The following EP400 variants were observed in gnomAD, a reference collection of about 807,000 sequenced individuals.
EP400 encodes E1A-binding protein p400.
In EP400, 105 loss-of-function variants were observed where a neutral mutation model predicts 354.1. The ratio of observed to expected loss-of-function variants is 0.30; its 90% CI spans 0.25 to 0.35. The LOEUF (loss-of-function observed/expected upper bound fraction) is 0.35. EP400 is among the 10% of genes least tolerant of loss of function. The pLI is 1.00. For synonymous variants in EP400, 1,646 were observed against 1,716.9 expected, an observed-to-expected ratio of 0.96 and a Z score of 1.02; for missense variants, 3,280 against 4,121.0, an observed-to-expected ratio of 0.80 and a Z score of 5.59.
intron 2 of EP400, among the ~76,000 whole-genome samples, chr12:131,975,645 A>G (rs1423634064): frequency 4.0e-5 from 6 of 151,788 alleles, no homozygotes; most frequent in Admixed American, 3.9e-4. Flanking sequence ...CTGCAACCTC[A>G]GCCTCCAGGG....
intron 45 of EP400, among the ~76,000 whole-genome samples, chr12:132,061,796 T>TA (rs1247141540): frequency 3.3e-5 from 5 of 152,166 alleles, no homozygotes; most frequent in East Asian, 1.9e-4. Context: ...GGACAGTCGT[T>TA]ACGTTCCTGG....
At position 132,030,069 on chromosome 12, in the gene EP400, C is replaced by T. The variant is rs979012302; in HGVS notation, c.5665C>T (p.Leu1889Phe). The change falls in exon 29 of 53, where the codon CTT (leucine) becomes TTT (phenylalanine). Residue 1889 changes from leucine (L) to phenylalanine (F), a missense_variant. Transcript: ENST00000389561. ...RRVLILSQMI[L>F]MLDILEMFLN... ...GGTGCTGATTTTATCACAGATGATT[C>T]TTATGTTGGACATTTTAGAGATGTT... The T allele has an allele frequency of 1.2e-6, 2 of 1,614,184 alleles. No homozygotes were observed.
chr12:131,982,404 G>A lies in EP400; in HGVS notation c.1855G>A (p.Ala619Thr). The A allele has an allele frequency of 6.2e-7, 1 of 1,614,136 alleles. No individual in the cohort carries two copies. Among genetic ancestry groups the A allele is most frequent in the Non-Finnish European group, 8.5e-7 (1 of 1,180,024 alleles). Residue 619 changes from alanine (A) to threonine (T), a missense_variant, in exon 5 of 53, where the codon GCA becomes ACA. Coordinates refer to ENST00000389561, the MANE Select transcript of EP400 (RefSeq NM_015409.5). ...SQLPIPPSQP[A>T]QLALHVPTPG... is the part of the protein sequence containing the mutation. Reference sequence around the variant, plus strand: ...ACTCCCCATCCCTCCCTCGCAGCCTGCACAGCTGGCCCTCCACGTTCCCAC... The same window carrying A: ...ACTCCCCATCCCTCCCTCGCAGCCTACACAGCTGGCCCTCCACGTTCCCAC...
chr12:132,073,140 C>T (rs1381023712), intron 51 of EP400, among the ~76,000 whole-genome samples: 1 of 151,780 alleles, frequency 6.6e-6, no homozygotes, highest in Non-Finnish European at 1.5e-5. Context: ...ATTTGAATTT[C>T]TGGCTTCTCT....
Position 132,062,670 on chromosome 12 carries a change from C to T in EP400, c.8303C>T (p.Ala2768Val). 6.2e-7 allele frequency: 1 copy of T among 1,614,156 alleles called. No homozygotes were observed. Among genetic ancestry groups the T allele is most frequent in the Non-Finnish European group, 8.5e-7 (1 of 1,180,036 alleles). Residue 2768 changes from alanine to valine, a missense_variant, in exon 47 of 53, where the codon GCA (alanine) becomes GTA (valine). By Grantham distance (64) the Ala-to-Val change is moderately conservative. Coordinates refer to ENST00000389561, the MANE Select transcript of EP400 (RefSeq NM_015409.5). Reference protein sequence around the residue: ...PQIQGQAQSPAQIKAVGKLTP... With the variant: ...PQIQGQAQSPVQIKAVGKLTP... ...ATCCAGGGCCAGGCCCAGTCCCCAG[C>T]ACAGATCAAAGCTGTGGGCAAGCTG...
chr12:132,074,049 C>T (rs1036855907), intron 51 of EP400, among the ~76,000 whole-genome samples: 3 of 150,176 alleles, frequency 2.0e-5, no homozygotes, highest in South Asian at 2.1e-4. Context: ...CTCAGCCTCC[C>T]GAGTAGCTGG....
intron 30 of EP400, among the ~76,000 whole-genome samples, chr12:132,036,852 T>C (rs1299376043): frequency 1.3e-5 from 2 of 152,226 alleles, no homozygotes; most frequent in African/African-American, 4.8e-5. Context: ...ATCCACTATT[T>C]CCCTTTATCA....
intron 2 of EP400, among the ~76,000 whole-genome samples, chr12:131,975,755 C>A (rs1001876039): frequency 2.0e-5 from 3 of 151,988 alleles, no homozygotes; most frequent in African/African-American, 7.3e-5. Flanking sequence ...GATGAATTTT[C>A]GCCACGTTGG....
At chr12:131,968,494 T>C (rs1483799780) in intron 2 of EP400, among the ~76,000 whole-genome samples, 1 of 152,260 alleles carries the variant, frequency 6.6e-6, no homozygotes, top group East Asian at 1.9e-4. Context: ...AGTTTTGAAG[T>C]CAAGTAGTGT....
rs369520300 is a variant in EP400, at chr12:132,041,795, A to G, written c.6208-1509A>G. Among the ~76,000 whole-genome samples, 46 of 152,164 alleles carry G rather than the reference A, an allele frequency of 3.0e-4. No homozygotes were observed. The East Asian group carries it at 8.1e-3, about 27-fold the overall frequency. The stretch of plus-strand genomic sequence containing the variant: ...CTGTAGCTGCAGGGCAGAATGTGGG[A>G]TAGTCTCATTGTGGTTTAATTTGTG... On this transcript the variant is annotated intron_variant, in intron 32 of 52. Coordinates refer to ENST00000389561, the MANE Select transcript of EP400 (RefSeq NM_015409.5).
Position 132,066,978 on chromosome 12 carries a change from C to G in EP400, c.8749+9C>G. ...GCCACAGAAGGCAGCAGGTGCCCGCCCCAGCACACCCTCCCGTCCTGGGCT... is the reference window on the plus strand; with the variant it reads ...GCCACAGAAGGCAGCAGGTGCCCGCGCCAGCACACCCTCCCGTCCTGGGCT... On this transcript the variant is annotated intron_variant, in intron 49 of 52. Transcript: ENST00000389561. The G allele has an allele frequency of 6.3e-7, 1 of 1,583,658 alleles. No individual in the cohort carries two copies. Among genetic ancestry groups the G allele is most frequent in the Non-Finnish European group, 8.6e-7 (1 of 1,164,948 alleles).
In EP400 at chr12:132,044,318, G is replaced by C. The variant is rs369414033; in HGVS notation, c.6585+7G>C. ...AGAGGATGCCTACAGCATGGTACCC[G>C]GCCCGGGGCCCTCCTGCCCTCTTGC... is the stretch of plus-strand genomic sequence containing the variant. On this transcript the variant is annotated splice_region_variant and intron_variant, in intron 35 of 52. Coordinates refer to ENST00000389561, the MANE Select transcript of EP400 (RefSeq NM_015409.5). 8.7e-6 allele frequency: 14 copies of C among 1,609,738 alleles called. No individual in the cohort carries two copies. In the African/African-American group the frequency reaches 1.6e-4, roughly 18 times the overall value.
At chr12:132,056,912 T>C (rs1288320635) in intron 45 of EP400, among the ~76,000 whole-genome samples, 2 of 152,148 alleles carry the variant, frequency 1.3e-5, no homozygotes, top group East Asian at 3.9e-4. Context: ...GCTAGAAGAA[T>C]AACAGATAAA....
In EP400 at chr12:132,018,092, G is replaced by A. The variant is rs1281782857; in HGVS notation, c.4111-118G>A. On this transcript the variant is annotated intron_variant, in intron 20 of 52. Coordinates refer to ENST00000389561, the MANE Select transcript of EP400 (RefSeq NM_015409.5). The surrounding 1 kb of genome is among the most constrained non-coding windows in gnomAD (Gnocchi z 4.0). ...AGGAGGGTCTGCTTGCCGAGTGGCCGTTAGAGGGGGCGCGTCTGGATGCCC... is the reference window on the plus strand; with the variant it reads ...AGGAGGGTCTGCTTGCCGAGTGGCCATTAGAGGGGGCGCGTCTGGATGCCC... The A allele has an allele frequency of 2.0e-5, 26 of 1,296,296 alleles. No homozygotes were observed. The highest frequency in any genetic ancestry group is 7.2e-5 in the East Asian group (3 of 41,880). The allele number at this position is 1,296,296 out of a possible 1,614,324, so 80.3% of individuals were successfully genotyped here.
chr12:132,004,662 T>C (rs1178553500), intron 12 of EP400, among the ~76,000 whole-genome samples: 1 of 152,206 alleles, frequency 6.6e-6, no homozygotes, highest in Non-Finnish European at 1.5e-5. Context: ...TTCTCATCTT[T>C]ATAGAGAAAA....
rs1204012785 is a variant in EP400, at chr12:132,013,103, G to A, written c.3536G>A (p.Cys1179Tyr). The change falls in exon 17 of 53, where the codon TGC (cysteine) becomes TAC (tyrosine). Residue 1179 changes from cysteine (C) to tyrosine (Y), a missense_variant. Physicochemically the swap from Cys to Tyr is radical, Grantham distance 194. This residue lies in a region of EP400 where 242 missense variants were observed against 357.9 expected (regional missense o/e 0.68). Transcript: ENST00000389561. The surrounding 1 kb of genome is among the most constrained non-coding windows in gnomAD (Gnocchi z 4.5). ...LTAFTRVRWK[C>Y]LVIDEMQRVK... ...GCCTTCACACGAGTGCGCTGGAAGT[G>A]CCTGGTCATTGATGAGATGCAGCGC... The A allele has an allele frequency of 1.2e-6, 2 of 1,614,016 alleles. No homozygotes were observed. The highest frequency in any genetic ancestry group is 1.7e-6 in the Non-Finnish European group (2 of 1,180,022).
intron 51 of EP400, among the ~76,000 whole-genome samples, chr12:132,073,459 C>CTCTTTTTT (rs528765405): frequency 8.5e-6 from 1 of 117,730 alleles, no homozygotes; most frequent in Non-Finnish European, 1.6e-5. Context: ...GTCCCTTTTC[C>CTCTTTTTT]TTTTTTTTTT....
In EP400 at chr12:132,017,477, G is replaced by A; in HGVS notation, c.3924-58G>A. ...GTTGGGACAGTCGATGGTGAGGGTG[G>A]GACTATGTCCATGTGCCGTTTGGAT... is the stretch of plus-strand genomic sequence containing the variant. On this transcript the variant is annotated intron_variant, in intron 19 of 52. Coordinates refer to ENST00000389561, the MANE Select transcript of EP400 (RefSeq NM_015409.5). The surrounding 1 kb of genome is among the most constrained non-coding windows in gnomAD (Gnocchi z 5.0). 6.4e-7 allele frequency: 1 copy of A among 1,572,824 alleles called. No individual in the cohort carries two copies. Among genetic ancestry groups the A allele is most frequent in the East Asian group, 2.3e-5 (1 of 44,296 alleles).
intron 2 of EP400, chr12:131,963,579 T>C (rs772754718): frequency 6.3e-7 from 1 of 1,598,508 alleles, no homozygotes; most frequent in East Asian, 2.2e-5. Context: ...CTCCCGTTGC[T>C]ATAGCAACCC....
Sources: allele counts gnomAD v4.1 joint callset (sites outside exome capture counted in the v4.1 genomes callset), GRCh38; gene constraint gnomAD v4.1.1; regional missense constraint gnomAD v4.1.1; non-coding constraint Gnocchi (gnomAD v3.1); transcripts MANE v1.5; gene names NCBI Gene and HGNC (gene_info 2026-07-23, HGNC 2026-07-21).